Variants in C16orf74 observed in about 807,000 individuals in gnomAD.
C16orf74 encodes calcimembrin.
A neutral mutation model predicts 6.5 loss-of-function variants in C16orf74; 10 were observed. The observed-to-expected ratio is 1.54, with a 90% CI of 0.95 to 2.61. The LOEUF is 2.61. Ranked by LOEUF, C16orf74 falls within the 30% of genes most tolerant of loss-of-function variation. The pLI, the probability that C16orf74 is intolerant of heterozygous loss-of-function variation, is 0.00. For missense variants in C16orf74, 141 were observed against 105.9 expected (o/e 1.33, Z -1.45); for synonymous variants, 60 against 42.5 (o/e 1.41, Z -1.60).
rs181431204 is a variant in C16orf74 at position 85,724,716 on chromosome 16, G to A, written c.28+10474C>T. 7.9e-5 allele frequency among the ~76,000 whole-genome samples: 12 copies of A among 152,294 alleles called. No homozygotes were observed. The South Asian group carries it at 1.7e-3, about 21-fold the overall frequency. ...TGACAGGGCAGCCACCCCGGCCGGC[G>A]GGAGGGTCAGTCCGAGGAGGGTCTC... is the stretch of plus-strand genomic sequence containing the variant. On this transcript the variant is annotated intron_variant, in intron 2 of 3. Coordinates refer to ENST00000284245, the MANE Select transcript of C16orf74 (RefSeq NM_206967.3).
intron 1 of C16orf74, among the ~76,000 whole-genome samples, chr16:85,735,916 G>C (rs2054239508): frequency 6.6e-6 from 1 of 152,142 alleles, no homozygotes; most frequent in African/African-American, 2.4e-5. Context: ...AGCCCCGCAA[G>C]GTACTATTAC....
chr16:85,750,887 CGGGGAA>C (rs895629434), intron 1 of C16orf74, 33 bp downstream of exon 1: 2 of 151,572 alleles, frequency 1.3e-5, no homozygotes, highest in African/African-American at 4.8e-5. Context: ...GCGGGCGTCC[CGGGGAA>C]GGGGCGGCGG....
At chr16:85,714,321 C>G (rs1363250639) in intron 2 of C16orf74, among the ~76,000 whole-genome samples, 1 of 152,026 alleles carries the variant, frequency 6.6e-6, no homozygotes, top group East Asian at 1.9e-4. Context: ...CCAGGCACTG[C>G]CCCAGTCACC....
intron 2 of C16orf74, among the ~76,000 whole-genome samples, chr16:85,728,665 T>C (rs979663981): frequency 3.1e-4 from 47 of 152,202 alleles, no homozygotes; most frequent in Admixed American, 6.5e-5. Flanking sequence ...GCCACCTCCA[T>C]AGCAGGAAGG....
At chr16:85,732,029 T>C (rs2054194315) in intron 2 of C16orf74, among the ~76,000 whole-genome samples, 1 of 152,212 alleles carries the variant, frequency 6.6e-6, no homozygotes, top group Non-Finnish European at 1.5e-5. Flanking sequence ...GATGACATTA[T>C]CCTGGACTAG....
At chr16:85,748,935 T>A (rs1301320647) in intron 1 of C16orf74, among the ~76,000 whole-genome samples, 35 of 27,074 alleles carry the variant, frequency 1.3e-3, no homozygotes, top group Admixed American at 4.5e-3. Context: ...ATTTTTTTTT[T>A]TTTTTTTTTT....
intron 1 of C16orf74, among the ~76,000 whole-genome samples, chr16:85,745,706 C>G (rs1173078509): frequency 6.6e-6 from 1 of 151,050 alleles, no homozygotes; most frequent in Non-Finnish European, 1.5e-5. Context: ...CCCTGCTTTT[C>G]AAAGACAGAG....
Position 85,710,236 on chromosome 16 carries a change from C to G in C16orf74, c.100G>C (p.Asp34His). Reference protein sequence around the residue: ...EAPVLNDKHLDVPDIIITPPT... With the variant: ...EAPVLNDKHLHVPDIIITPPT... ...GGCGTGATGATGATGTCGGGCACGT[C>G]CAGGTGCTTGTCGTTCAGGACGGGG... Residue 34 changes from aspartate to histidine, a missense_variant, in exon 3 of 4, where the codon GAC becomes CAC. Coordinates refer to ENST00000284245, the MANE Select transcript of C16orf74 (RefSeq NM_206967.3). The G allele has an allele frequency of 6.7e-7, 1 of 1,500,704 alleles. No homozygotes were observed. The highest frequency in any genetic ancestry group is 8.8e-7 in the Non-Finnish European group (1 of 1,136,236). The allele number at this position is 1,500,704 out of a possible 1,614,324, so 93.0% of individuals were successfully genotyped here. A position where few individuals can be genotyped will look rare whatever the true frequency, so the allele number is the denominator to read the frequency against.
chr16:85,738,326 A>ATTTTT, intron 1 of C16orf74, among the ~76,000 whole-genome samples: 1 of 135,694 alleles, frequency 7.4e-6, no homozygotes, highest in Non-Finnish European at 1.6e-5. Context: ...TGGCATTGGG[A>ATTTTT]TTTTTTTTTT....
intron 2 of C16orf74, among the ~76,000 whole-genome samples, chr16:85,724,002 AT>A (rs60492430): frequency 0.32 from 47,995 of 150,038 alleles, 8,101 homozygotes; most frequent in Middle Eastern, 0.44. Flanking sequence ...ACTTCCTTCG[AT>A]TTTTTTTTTC....
chr16:85,746,942 G>C (rs1463010208), intron 1 of C16orf74, among the ~76,000 whole-genome samples: 1 of 152,172 alleles, frequency 6.6e-6, no homozygotes, highest in Non-Finnish European at 1.5e-5. Flanking sequence ...TTCCATCCTG[G>C]TCTTCAGCTT....
Position 85,707,973 on chromosome 16 carries a change from A to T in C16orf74, c.*35T>A. 1 of 1,543,530 alleles carries T rather than the reference A, an allele frequency of 6.5e-7. No homozygotes were observed. The highest frequency in any genetic ancestry group is 8.8e-7 in the Non-Finnish European group (1 of 1,140,600). On this transcript the variant is annotated 3_prime_UTR_variant, in exon 4 of 4. Transcript: ENST00000284245. ...CGGACACCTGAAGCCGGGCCGCTGGAGCAGGAGCCAGCCAGCCAAACCCAG... is the reference window on the plus strand; with the variant it reads ...CGGACACCTGAAGCCGGGCCGCTGGTGCAGGAGCCAGCCAGCCAAACCCAG...
intron 3 of C16orf74, among the ~76,000 whole-genome samples, chr16:85,709,920 A>C (rs930184023): frequency 1.3e-5 from 2 of 152,214 alleles, no homozygotes; most frequent in African/African-American, 2.4e-5. Flanking sequence ...CCCATCCATC[A>C]AGCGTCCTGG....
At chr16:85,713,150 C>A (rs2053986680) in intron 2 of C16orf74, among the ~76,000 whole-genome samples, 1 of 152,150 alleles carries the variant, frequency 6.6e-6, no homozygotes. Flanking sequence ...CTGTTCCAAG[C>A]CCCTCCCCTG....
chr16:85,731,233 C>G (rs2054184141), intron 2 of C16orf74, among the ~76,000 whole-genome samples: 1 of 152,220 alleles, frequency 6.6e-6, no homozygotes, highest in African/African-American at 2.4e-5. Flanking sequence ...AGGCAGGAAC[C>G]ACTGTGTAAT....
chr16:85,750,600 T>C (rs2054426452), intron 1 of C16orf74, among the ~76,000 whole-genome samples: 1 of 152,108 alleles, frequency 6.6e-6, no homozygotes, highest in Non-Finnish European at 1.5e-5. Context: ...TCTGGTCCAT[T>C]CCCAAGGAAC....
At chr16:85,740,848 A>G (rs956428263) in intron 1 of C16orf74, among the ~76,000 whole-genome samples, 1 of 149,532 alleles carries the variant, frequency 6.7e-6, no homozygotes. Flanking sequence ...AAAAAAAAAG[A>G]AAGAAAATAT....
Position 85,707,963 on chromosome 16 carries a change from G to A in C16orf74, c.*45C>T, listed in dbSNP as rs187864191. On this transcript the variant is annotated 3_prime_UTR_variant, in exon 4 of 4. Transcript: ENST00000284245. The stretch of plus-strand genomic sequence containing the variant: ...GCCACGCCCCCGGACACCTGAAGCC[G>A]GGCCGCTGGAGCAGGAGCCAGCCAG... 610 of 1,530,026 alleles carry A rather than the reference G, an allele frequency of 4.0e-4. 1 individual carries two copies. Among genetic ancestry groups the A allele is most frequent in the Non-Finnish European group, 5.0e-4 (561 of 1,129,372 alleles). 94.8% of individuals were successfully genotyped at this position (1,530,026 alleles called of 1,614,324 possible). A position where few individuals can be genotyped will look rare whatever the true frequency, so the allele number is the denominator to read the frequency against.
chr16:85,711,686 G>GGT (rs2053972093), intron 2 of C16orf74, among the ~76,000 whole-genome samples: 1 of 151,930 alleles, frequency 6.6e-6, no homozygotes, highest in Admixed American at 6.6e-5. Context: ...CATTAAGCTA[G>GGT]GTGTTACAAT....
Sources: allele counts gnomAD v4.1 joint callset (sites outside exome capture counted in the v4.1 genomes callset), GRCh38; gene constraint gnomAD v4.1.1; transcripts MANE v1.5; gene names NCBI Gene and HGNC (gene_info 2026-07-23, HGNC 2026-07-21).